CCDC88C: variants seen among roughly 807,000 people sequenced by gnomAD.
The protein encoded by CCDC88C is protein Daple.
A neutral mutation model predicts 198.8 loss-of-function variants in CCDC88C; 131 were observed. The observed-to-expected ratio is 0.66, with a 90% CI of 0.57 to 0.76. CCDC88C has a LOEUF of 0.76. Ranked by LOEUF, CCDC88C falls within the 30% of genes least tolerant of loss-of-function variation. The pLI is 0.00. For missense variants in CCDC88C, 2,553 were observed against 2,631.6 expected, an observed-to-expected ratio of 0.97 and a Z score of 0.65; for synonymous variants, 1,166 against 1,114.7, an observed-to-expected ratio of 1.05 and a Z score of -0.92.
At chr14:91,402,890 C>A (rs944571030) in intron 3 of CCDC88C, among the ~76,000 whole-genome samples, 1 of 152,196 alleles carries the variant, frequency 6.6e-6, no homozygotes, top group African/African-American at 2.4e-5. Context: ...ATTTATTCTG[C>A]TGTTTCACTT....
intron 19 of CCDC88C, among the ~76,000 whole-genome samples, chr14:91,304,834 G>GT (rs1302581417): frequency 6.6e-6 from 1 of 152,160 alleles, no homozygotes; most frequent in African/African-American, 2.4e-5. Flanking sequence ...ATTCAAAATA[G>GT]TAAGTCAATA....
At chr14:91,353,750 C>T (rs1334875797) in intron 4 of CCDC88C, among the ~76,000 whole-genome samples, 2 of 152,178 alleles carry the variant, frequency 1.3e-5, no homozygotes, top group Non-Finnish European at 2.9e-5. Context: ...CCCTCTGTAA[C>T]CATCATAAGA....
In CCDC88C at chr14:91,272,978, C is replaced by T; in HGVS notation, c.5734G>A (p.Gly1912Ser). Residue 1912 changes from glycine (G) to serine (S), a missense_variant, in exon 30 of 30, where the codon GGT becomes AGT. Gly to Ser is a moderately conservative substitution (Grantham distance 56). Around this residue, in one of 2 missense-constraint regions of CCDC88C, gnomAD observed 1,293 missense variants for 1,219.6 expected, o/e 1.06. Coordinates refer to ENST00000389857, the MANE Select transcript of CCDC88C (RefSeq NM_001080414.4). ...CTGCCAGCAGCAGCAGCACCAGCAC[C>T]TGCAGTGGCAATGGCGGGGGCTGTG... ...SATAPAIATA[G>S]AGAAAAGSGS... 6.4e-7 allele frequency: 1 copy of T among 1,557,314 alleles called. No individual in the cohort carries two copies.
intron 4 of CCDC88C, among the ~76,000 whole-genome samples, chr14:91,345,190 A>ATATATATTTT (rs1246878587): frequency 5.7e-5 from 3 of 52,204 alleles, no homozygotes; most frequent in East Asian, 5.6e-4. Context: ...ATATATATAT[A>ATATATATTTT]TTTTTTTTTT....
At position 91,279,528 on chromosome 14, in the gene CCDC88C, C is replaced by T. The variant is rs142197978; in HGVS notation, c.4700-222G>A. On this transcript the variant is annotated intron_variant, in intron 27 of 29. Coordinates refer to ENST00000389857, the MANE Select transcript of CCDC88C (RefSeq NM_001080414.4). ...CACAAGCAGCCATCAACAGATGATACTCTGCTTATCTACATTTATGAGGCC... is the reference window on the plus strand; with the variant it reads ...CACAAGCAGCCATCAACAGATGATATTCTGCTTATCTACATTTATGAGGCC... 1.8e-5 allele frequency: 8 copies of T among 445,116 alleles called. No homozygotes were observed. The East Asian group carries it at 2.5e-4, about 14-fold the overall frequency. 27.6% of individuals were successfully genotyped at this position (445,116 alleles called of 1,614,324 possible). A position where few individuals can be genotyped will look rare whatever the true frequency, so the allele number is the denominator to read the frequency against.
At position 91,281,468 on chromosome 14, in the gene CCDC88C, T is replaced by C; in HGVS notation, c.4688A>G (p.His1563Arg). Residue 1563 changes from histidine to arginine, a missense_variant, in exon 27 of 30, where the codon CAC (histidine) becomes CGC (arginine). Coordinates refer to ENST00000389857, the MANE Select transcript of CCDC88C (RefSeq NM_001080414.4). The part of the protein sequence containing the change: ...EPSLEFEVPN[H>R]RQYVSRPSSL... ...CCCTCCCTACTCACCGTACTGCCTG[T>C]GGTTGGGGACCTCAAACTCCAGGGA... 2.5e-6 allele frequency: 4 copies of C among 1,613,928 alleles called. No homozygotes were observed. The highest frequency in any genetic ancestry group is 3.4e-6 in the Non-Finnish European group (4 of 1,179,838).
In CCDC88C at chr14:91,274,996, T is replaced by C. The variant is rs112331589; in HGVS notation, c.5059-1343A>G. On this transcript the variant is annotated intron_variant, in intron 29 of 29. Transcript: ENST00000389857. The stretch of plus-strand genomic sequence containing the variant: ...ACGCAGGGAGCCCCATCTTGTGACA[T>C]GCCCTCCCTGCATCATCGACGCCCA... 2.3e-3 allele frequency among the ~76,000 whole-genome samples: 355 copies of C among 152,200 alleles called. 2 individuals carry two copies. The highest frequency in any genetic ancestry group is 8.3e-3 in the African/African-American group (345 of 41,520).
chr14:91,326,489 G>A (rs1041913495), intron 10 of CCDC88C, among the ~76,000 whole-genome samples: 8 of 151,938 alleles, frequency 5.3e-5, no homozygotes, highest in East Asian at 3.9e-4. Flanking sequence ...CTGGGATTAC[G>A]GGCATGAGCC....
At chr14:91,353,407 G>T (rs1358346647) in intron 4 of CCDC88C, among the ~76,000 whole-genome samples, 1 of 152,182 alleles carries the variant, frequency 6.6e-6, no homozygotes, top group Non-Finnish European at 1.5e-5. Context: ...AATGTCGCAG[G>T]ACTCTGTCTT....
chr14:91,375,868 T>G (rs1884380711), intron 3 of CCDC88C, among the ~76,000 whole-genome samples: 1 of 152,214 alleles, frequency 6.6e-6, no homozygotes, highest in South Asian at 2.1e-4. Flanking sequence ...TCTTCTTGCG[T>G]TCAATGGGGC....
chr14:91,325,833 T>G lies in CCDC88C; in HGVS notation c.1197+77A>C. ...ATCCTCCCACCTTAGCCTCCCAAAG[T>G]GCTGGGATTACAGGCATGAGCCACT... On this transcript the variant is annotated intron_variant, in intron 11 of 29. Coordinates refer to ENST00000389857, the MANE Select transcript of CCDC88C (RefSeq NM_001080414.4). This position sits in a 1 kb window ranked among gnomAD's most constrained non-coding sequence, Gnocchi z 4.1. The G allele has an allele frequency of 7.0e-7, 1 of 1,422,868 alleles. No homozygotes were observed. The highest frequency in any genetic ancestry group is 1.3e-5 in the South Asian group (1 of 75,772). The allele number at this position is 1,422,868 out of a possible 1,614,324, so 88.1% of individuals were successfully genotyped here. A position where few individuals can be genotyped will look rare whatever the true frequency, so the allele number is the denominator to read the frequency against.
intron 2 of CCDC88C, among the ~76,000 whole-genome samples, chr14:91,411,357 C>T (rs1375599668): frequency 2.0e-5 from 3 of 152,170 alleles, no homozygotes; most frequent in African/African-American, 7.2e-5. Flanking sequence ...AGGATCCTTC[C>T]GGCCTTCAAA....
At chr14:91,386,299 AAAAAAC>A (rs1412976957) in intron 3 of CCDC88C, among the ~76,000 whole-genome samples, 2 of 150,476 alleles carry the variant, frequency 1.3e-5, no homozygotes, top group East Asian at 3.9e-4. Flanking sequence ...CAAAAAAAAA[AAAAAAC>A]AAAAACCTAG....
intron 2 of CCDC88C, among the ~76,000 whole-genome samples, chr14:91,409,519 G>C (rs944981120): frequency 2.8e-5 from 4 of 142,416 alleles, no homozygotes; most frequent in East Asian, 2.0e-4. Context: ...ACGGAGTCTT[G>C]CTCTTTTGCC....
In CCDC88C at chr14:91,381,006, A is replaced by G. The variant is rs1647756275; in HGVS notation, c.271-21295T>C. 6.6e-6 allele frequency among the ~76,000 whole-genome samples: 1 copy of G among 152,244 alleles called. No homozygotes were observed. The highest frequency in any genetic ancestry group is 2.1e-4 in the South Asian group (1 of 4,834). ...AATTTAAGTAACTCTTCTAAGTGCC[A>G]AACTGATGCCCCTTCCTGCAAGAAA... On this transcript the variant is annotated intron_variant, in intron 3 of 29. Coordinates refer to ENST00000389857, the MANE Select transcript of CCDC88C (RefSeq NM_001080414.4). The surrounding 1 kb of genome is among the most constrained non-coding windows in gnomAD (Gnocchi z 4.2).
At chr14:91,385,428 C>T (rs978164056) in intron 3 of CCDC88C, among the ~76,000 whole-genome samples, 2 of 151,168 alleles carry the variant, frequency 1.3e-5, no homozygotes, top group Non-Finnish European at 2.9e-5. Flanking sequence ...GAGCCTCCTA[C>T]AGCCTCAGTG....
At chr14:91,375,661 C>T (rs555487681) in intron 3 of CCDC88C, among the ~76,000 whole-genome samples, 3 of 152,286 alleles carry the variant, frequency 2.0e-5, no homozygotes, top group South Asian at 4.1e-4. Context: ...ACCAGCTGTT[C>T]CCATGGCCAA....
chr14:91,297,854 T>C (rs1450703415), intron 21 of CCDC88C, among the ~76,000 whole-genome samples: 2 of 152,156 alleles, frequency 1.3e-5, no homozygotes, highest in South Asian at 2.1e-4. Flanking sequence ...GATTCTGCTG[T>C]TTAAAAAAAT....
At chr14:91,399,854 A>AAAAAAAG (rs1555429797) in intron 3 of CCDC88C, among the ~76,000 whole-genome samples, 1 of 141,300 alleles carries the variant, frequency 7.1e-6, no homozygotes. Flanking sequence ...AAAAAAAAAA[A>AAAAAAAG]AAGAAGAAGA....
Sources: gnomAD v4.1 joint callset for allele counts (sites outside exome capture counted in the v4.1 genomes callset) on GRCh38, gnomAD v4.1.1 for gene constraint, gnomAD v4.1.1 regional missense constraint, Gnocchi (gnomAD v3.1) non-coding constraint, MANE v1.5 for transcripts, NCBI Gene and HGNC (gene_info 2026-07-23, HGNC 2026-07-21) for gene names.